Variants in GMDS observed in about 807,000 individuals in gnomAD.
The protein encoded by GMDS is GDP-mannose 4,6-dehydratase.
A neutral mutation model predicts 49.9 loss-of-function variants in GMDS; 20 were observed. That is an observed-to-expected ratio of 0.40 (90% confidence interval 0.28 to 0.58). The LOEUF (loss-of-function observed/expected upper bound fraction) is 0.58. GMDS is among the 20% of genes least tolerant of loss of function. The pLI, the probability that GMDS is intolerant of heterozygous loss-of-function variation, is 0.42. For missense variants in GMDS, 362 were observed against 481.4 expected (o/e 0.75, Z 2.32); for synonymous variants, 177 against 178.6 (o/e 0.99, Z 0.07).
At chr6:2,011,371 T>C (rs943395730) in intron 4 of GMDS, among the ~76,000 whole-genome samples, 2 of 152,140 alleles carry the variant, frequency 1.3e-5, no homozygotes, top group African/African-American at 2.4e-5. Flanking sequence ...ATACAACTTA[T>C]ATGAAAAACA....
chr6:1,932,455 G>A (rs143678074), intron 6 of GMDS, among the ~76,000 whole-genome samples: 247 of 151,976 alleles, frequency 1.6e-3, no homozygotes, highest in African/African-American at 5.5e-3. Flanking sequence ...CTTTCATGTC[G>A]TGCTAGAAAG....
intron 7 of GMDS, among the ~76,000 whole-genome samples, chr6:1,788,347 A>G (rs989048060): frequency 5.9e-5 from 9 of 152,222 alleles, no homozygotes; most frequent in African/African-American, 1.9e-4. Flanking sequence ...ATTAAAAAGC[A>G]ATGGGACAAG....
At chr6:2,134,131 T>C (rs959815864) in intron 1 of GMDS, among the ~76,000 whole-genome samples, 1 of 152,224 alleles carries the variant, frequency 6.6e-6, no homozygotes, top group African/African-American at 2.4e-5. Flanking sequence ...TGTCACTGCC[T>C]TGTAGACTGC....
intron 6 of GMDS, among the ~76,000 whole-genome samples, chr6:1,932,744 TAGTC>T (rs1762353654): frequency 6.6e-6 from 1 of 152,100 alleles, no homozygotes; most frequent in African/African-American, 2.4e-5. Flanking sequence ...TTCACCGTGT[TAGTC>T]AGGATGGTCT....
chr6:2,100,054 G>A (rs562976678), intron 4 of GMDS, among the ~76,000 whole-genome samples: 16 of 152,148 alleles, frequency 1.1e-4, no homozygotes, highest in African/African-American at 3.4e-4. Flanking sequence ...TTTTACAGAT[G>A]GGAAAACTGA....
At chr6:1,752,755 T>G (rs1372990350) in intron 7 of GMDS, among the ~76,000 whole-genome samples, 1 of 152,184 alleles carries the variant, frequency 6.6e-6, no homozygotes, top group African/African-American at 2.4e-5. Context: ...AAAAGAATTT[T>G]CAACTCAGAA....
chr6:2,201,843 G>C (rs1479393414), intron 1 of GMDS, among the ~76,000 whole-genome samples: 18 of 131,716 alleles, frequency 1.4e-4, no homozygotes, highest in Non-Finnish European at 1.6e-5. Context: ...AGGATGAAGA[G>C]AGAGCACCAC....
intron 7 of GMDS, among the ~76,000 whole-genome samples, chr6:1,775,673 G>A (rs1002197842): frequency 1.3e-5 from 2 of 152,212 alleles, no homozygotes; most frequent in African/African-American, 4.8e-5. Flanking sequence ...AAAAAAGGCA[G>A]TGTTTTGCCA....
chr6:1,956,907 T>C (rs1196274056), intron 6 of GMDS, among the ~76,000 whole-genome samples: 1 of 151,932 alleles, frequency 6.6e-6, no homozygotes, highest in African/African-American at 2.4e-5. Flanking sequence ...GTTCACACCA[T>C]TCTCCTGCCT....
intron 4 of GMDS, among the ~76,000 whole-genome samples, chr6:2,011,783 G>A (rs370614351): frequency 3.8e-4 from 58 of 152,248 alleles, no homozygotes; most frequent in South Asian, 1.2e-3. Flanking sequence ...TTAGCTAAGC[G>A]TGGTCGCGCA....
intron 7 of GMDS, among the ~76,000 whole-genome samples, chr6:1,846,879 C>A (rs1459915316): frequency 3.3e-5 from 5 of 152,174 alleles, no homozygotes; most frequent in Non-Finnish European, 7.3e-5. Flanking sequence ...GTGGACTCTA[C>A]TAAACCAAGG....
chr6:2,162,737 A>G (rs949513203), intron 1 of GMDS, among the ~76,000 whole-genome samples: 1 of 149,492 alleles, frequency 6.7e-6, no homozygotes, highest in African/African-American at 2.5e-5. Flanking sequence ...TCCCTACATT[A>G]CCAGATTTGA....
At chr6:1,863,305 T>C (rs939217614) in intron 7 of GMDS, among the ~76,000 whole-genome samples, 8 of 152,248 alleles carry the variant, frequency 5.3e-5, no homozygotes, top group Non-Finnish European at 1.2e-4. Flanking sequence ...AAAGAAAATG[T>C]TTTTACGATT....
At chr6:2,128,398 C>T (rs1287049826) in intron 1 of GMDS, among the ~76,000 whole-genome samples, 1 of 152,094 alleles carries the variant, frequency 6.6e-6, no homozygotes, top group Non-Finnish European at 1.5e-5. Context: ...TGTTCTCAAA[C>T]CCCTGACCTC....
chr6:1,897,284 T>G (rs537382287), intron 7 of GMDS, among the ~76,000 whole-genome samples: 15 of 152,326 alleles, frequency 9.8e-5, no homozygotes, highest in Middle Eastern at 3.4e-3. Context: ...ACACCAGTCC[T>G]ATTGGATAGG....
chr6:1,701,313 C>T (rs957050473), intron 9 of GMDS, among the ~76,000 whole-genome samples: 5 of 152,188 alleles, frequency 3.3e-5, no homozygotes, highest in Non-Finnish European at 7.3e-5. Flanking sequence ...TCATTGTTCA[C>T]TGTGTCATTA....
chr6:2,046,955 G>C (rs1770054544), intron 4 of GMDS, among the ~76,000 whole-genome samples: 1 of 152,102 alleles, frequency 6.6e-6, no homozygotes, highest in African/African-American at 2.4e-5. Context: ...ACATGAAATG[G>C]TGAATTCAGG....
At chr6:1,676,022 T>C (rs997556501) in intron 9 of GMDS, among the ~76,000 whole-genome samples, 3 of 152,146 alleles carry the variant, frequency 2.0e-5, no homozygotes, top group African/African-American at 4.8e-5. Flanking sequence ...GAAGAAGTTA[T>C]TTGGAAAACC....
intron 4 of GMDS, among the ~76,000 whole-genome samples, chr6:2,097,057 T>C (rs1420399393): frequency 6.6e-6 from 1 of 151,954 alleles, no homozygotes; most frequent in Non-Finnish European, 1.5e-5. Flanking sequence ...ATTTTAATGA[T>C]ATCATGCTGT....
Sources: gnomAD v4.1 joint callset for allele counts (sites outside exome capture counted in the v4.1 genomes callset) on GRCh38, gnomAD v4.1.1 for gene constraint, MANE v1.5 for transcripts, NCBI Gene and HGNC (gene_info 2026-07-23, HGNC 2026-07-21) for gene names.